Variants in CCDC136 observed in about 807,000 individuals in gnomAD.
The protein encoded by CCDC136 is coiled-coil domain containing 136, also known as coiled-coil domain-containing protein 136.
CCDC136 carries 100 observed loss-of-function variants against 141.2 expected under a neutral mutation model. That is an observed-to-expected ratio of 0.71 (90% CI 0.60 to 0.84). CCDC136 has a LOEUF of 0.84. CCDC136 is among the 40% of genes least tolerant of loss of function. The pLI is 0.00. For synonymous variants in CCDC136, 474 were observed against 531.9 expected (o/e 0.89, Z 1.50); for missense variants, 1,206 against 1,379.4 (o/e 0.87, Z 1.99).
chr7:128,819,523 A>G (rs1442858033), intron 17 of CCDC136, among the ~76,000 whole-genome samples: 1 of 152,230 alleles, frequency 6.6e-6, no homozygotes, highest in Non-Finnish European at 1.5e-5. Context: ...TATTCTATAA[A>G]TTATAAAATA....
chr7:128,794,712 G>A lies in CCDC136; in HGVS notation c.290G>A (p.Arg97Gln), dbSNP rs866403475. 5.2e-6 allele frequency: 8 copies of A among 1,551,662 alleles called. No homozygotes were observed. Among genetic ancestry groups the A allele is most frequent in the East Asian group, 2.4e-5 (1 of 40,910 alleles). The change falls in exon 3 of 18, where the codon CGG (arginine) becomes CAG (glutamine). Residue 97 changes from arginine to glutamine, a missense_variant. By Grantham distance (43) the Arg-to-Gln change is conservative (BLOSUM62 1). Coordinates refer to ENST00000297788, the MANE Select transcript of CCDC136 (RefSeq NM_022742.5). The surrounding 1 kb of genome is among the most constrained non-coding windows in gnomAD (Gnocchi z 4.3). ...CCTGCAGGGCTCCTGGAGGATGAACGGCTAGCCAGCGCCCAGCAGGCAGAG... is the reference window on the plus strand; with the variant it reads ...CCTGCAGGGCTCCTGGAGGATGAACAGCTAGCCAGCGCCCAGCAGGCAGAG... Reference protein sequence around the residue: ...LELQGLLEDERLASAQQAEVF... With the variant: ...LELQGLLEDEQLASAQQAEVF...
rs755359411 is a variant in CCDC136 at position 128,794,515 on chromosome 7, C to T, written c.184C>T (p.Arg62Trp). 48 of 1,552,822 alleles carry T rather than the reference C, an allele frequency of 3.1e-5. No individual in the cohort carries two copies. Among genetic ancestry groups the T allele is most frequent in the Non-Finnish European group, 4.0e-5 (46 of 1,147,712 alleles). ...CACGGAGACAGAGCTGGAGGAGCTG[C>T]GGGCTCAGGTGCTGCAGCTGGTGGC... ...SLTETELEELRAQVLQLVAEL... is the reference protein window; with the variant it reads ...SLTETELEELWAQVLQLVAEL... The change falls in exon 2 of 18, where the codon CGG (arginine) becomes TGG (tryptophan). Residue 62 changes from arginine (R) to tryptophan (W), a missense_variant. Physicochemically the swap from Arg to Trp is moderately radical, Grantham distance 101. Transcript: ENST00000297788. The surrounding 1 kb of genome is among the most constrained non-coding windows in gnomAD (Gnocchi z 4.3).
Position 128,809,427 on chromosome 7 carries a change from TCCACACCCGCCC to T in CCDC136, c.1606-18_1606-7del. 1.0e-6 allele frequency: 1 copy of T among 991,898 alleles called. No individual in the cohort carries two copies. Among genetic ancestry groups the T allele is most frequent in the Non-Finnish European group, 1.5e-6 (1 of 665,316 alleles). The allele number at this position is 991,898 out of a possible 1,614,324, so 61.4% of individuals were successfully genotyped here. A position where few individuals can be genotyped will look rare whatever the true frequency, so the allele number is the denominator to read the frequency against. Reference sequence around the variant, plus strand: ...CTTACCTTACAGAGTAACCACCCCCTCCACACCCGCCCCCACCCACAGTGTGACACACTGCTG... The same window carrying T: ...CTTACCTTACAGAGTAACCACCCCCTCCACCCACAGTGTGACACACTGCTG... On this transcript the variant is annotated splice_polypyrimidine_tract_variant and intron_variant, in intron 10 of 17. Transcript: ENST00000297788.
Position 128,792,075 on chromosome 7 carries a change from C to G in CCDC136, c.-337C>G. ...TCCCCCCGGACTAAATACGCACACC[C>G]CCTCTTTCTTTCTGTGCAAGCAAGA... is the stretch of plus-strand genomic sequence containing the variant. On this transcript the variant is annotated 5_prime_UTR_variant, in exon 1 of 18. Transcript: ENST00000297788. The G allele has an allele frequency of 1.5e-6, 2 of 1,337,804 alleles. No homozygotes were observed. The highest frequency in any genetic ancestry group is 3.5e-5 in the Admixed American group (1 of 28,644). The allele number at this position is 1,337,804 out of a possible 1,614,324, so 82.9% of individuals were successfully genotyped here. A position where few individuals can be genotyped will look rare whatever the true frequency, so the allele number is the denominator to read the frequency against.
chr7:128,810,450 T>C, intron 12 of CCDC136, 84 bp downstream of exon 12: 2 of 1,003,080 alleles, frequency 2.0e-6, no homozygotes, highest in Non-Finnish European at 3.0e-6. Context: ...AGGGTCAGAG[T>C]TGGGAAGGCG....
At chr7:128,814,128 C>A in intron 14 of CCDC136, among the ~76,000 whole-genome samples, 1 of 151,676 alleles carries the variant, frequency 6.6e-6, no homozygotes, top group South Asian at 2.1e-4. Flanking sequence ...GCTCTGTCAC[C>A]AGGCTGGAGT....
chr7:128,805,209 C>A lies in CCDC136; in HGVS notation c.783-150C>A. 1.5e-6 allele frequency: 1 copy of A among 688,800 alleles called. No homozygotes were observed. The highest frequency in any genetic ancestry group is 2.5e-6 in the Non-Finnish European group (1 of 400,924). 42.7% of individuals were successfully genotyped at this position (688,800 alleles called of 1,614,324 possible). A position where few individuals can be genotyped will look rare whatever the true frequency, so the allele number is the denominator to read the frequency against. On this transcript the variant is annotated intron_variant, in intron 5 of 17. Coordinates refer to ENST00000297788, the MANE Select transcript of CCDC136 (RefSeq NM_022742.5). This position sits in a 1 kb window ranked among gnomAD's most constrained non-coding sequence, Gnocchi z 4.6. ...TGAGGGGCTGGAGACTTTCTGTAGT[C>A]TTTTAAGCATGTTTATCTGAGCGGT...
intron 10 of CCDC136, 30 bp downstream of exon 10, chr7:128,807,575 C>A: frequency 7.5e-7 from 1 of 1,325,666 alleles, no homozygotes; most frequent in Non-Finnish European, 9.8e-7. Flanking sequence ...GTGACAGCTC[C>A]TGGGCACTTG....
chr7:128,799,577 A>G (rs1438928477), intron 3 of CCDC136, among the ~76,000 whole-genome samples: 3 of 151,902 alleles, frequency 2.0e-5, no homozygotes, highest in African/African-American at 7.3e-5. Context: ...GGGAGACTTA[A>G]GTACACACAC....
At chr7:128,798,505 G>A (rs1022494164) in intron 3 of CCDC136, among the ~76,000 whole-genome samples, 1 of 152,004 alleles carries the variant, frequency 6.6e-6, no homozygotes, top group Admixed American at 6.6e-5. Flanking sequence ...ACCAGCCTCA[G>A]CCTCCCAAAG....
At chr7:128,811,224 C>T (rs1404656941) in intron 12 of CCDC136, 2 of 447,506 alleles carry the variant, frequency 4.5e-6, no homozygotes, top group East Asian at 7.0e-5. Flanking sequence ...GGTAACACAG[C>T]TGGGAACCAG....
At chr7:128,791,414 C>T (rs945011280), upstream of CCDC136, 3 of 1,066,274 alleles carry the variant, frequency 2.8e-6, no homozygotes, top group Non-Finnish European at 2.4e-6. This position sits in a 1 kb window ranked among gnomAD's most constrained non-coding sequence, Gnocchi z 7.1. Context: ...TCCCTCCCTC[C>T]CTGCGCACCC....
intron 16 of CCDC136, among the ~76,000 whole-genome samples, chr7:128,816,324 G>T (rs1364487853): frequency 6.6e-6 from 1 of 152,222 alleles, no homozygotes; most frequent in African/African-American, 2.4e-5. Context: ...GTCGGTCTGG[G>T]CAAGTCACTC....
In CCDC136 at chr7:128,806,681, A is replaced by C; in HGVS notation, c.1249-7A>C. On this transcript the variant is annotated splice_polypyrimidine_tract_variant and splice_region_variant and intron_variant, in intron 8 of 17. Transcript: ENST00000297788. ...AAAGGCACTGCCCAAAGCCCCCTCT[A>C]CCATAGGAGTTACTGTGCCGGCTGC... is the stretch of plus-strand genomic sequence containing the variant. 2 of 1,608,422 alleles carry C rather than the reference A, an allele frequency of 1.2e-6. No homozygotes were observed. The highest frequency in any genetic ancestry group is 1.1e-5 in the South Asian group (1 of 90,066).
Position 128,814,849 on chromosome 7 carries a change from A to G in CCDC136, c.2975A>G (p.Asn992Ser), listed in dbSNP as rs1806340145. The G allele has an allele frequency of 3.7e-6, 6 of 1,609,560 alleles. No individual in the cohort carries two copies. The highest frequency in any genetic ancestry group is 1.1e-5 in the South Asian group (1 of 89,964). The change falls in exon 15 of 18, where the codon AAT (asparagine) becomes AGT (serine). Residue 992 changes from asparagine to serine, a missense_variant. Physicochemically the swap from Asn to Ser is conservative, Grantham distance 46. Coordinates refer to ENST00000297788, the MANE Select transcript of CCDC136 (RefSeq NM_022742.5). The part of the protein sequence containing the change: ...NANKNMNKNA[N>S]GVKMKKVTKP... ...AATAAGAACATGAACAAGAATGCCAATGGGGTTAAAATGAAAAAGGTGACC... is the reference window on the plus strand; with the variant it reads ...AATAAGAACATGAACAAGAATGCCAGTGGGGTTAAAATGAAAAAGGTGACC...
Position 128,815,936 on chromosome 7 carries a change from C to T in CCDC136, c.3363+5C>T, listed in dbSNP as rs369870111. 46 of 1,606,786 alleles carry T rather than the reference C, an allele frequency of 2.9e-5. No homozygotes were observed. Among genetic ancestry groups the T allele is most frequent in the Non-Finnish European group, 3.9e-5 (46 of 1,176,458 alleles). The stretch of plus-strand genomic sequence containing the variant: ...AGACTTTCCGAGAGCAAAAAGGTAA[C>T]CAGAGCCAAAGCCTAGATCAAGTGG... On this transcript the variant is annotated splice_donor_5th_base_variant and intron_variant, in intron 16 of 17. Coordinates refer to ENST00000297788, the MANE Select transcript of CCDC136 (RefSeq NM_022742.5).
chr7:128,821,936 A>C lies in CCDC136; in HGVS notation c.*143A>C, dbSNP rs1182963925. 7 of 1,289,538 alleles carry C rather than the reference A, an allele frequency of 5.4e-6. No homozygotes were observed. Among genetic ancestry groups the C allele is most frequent in the Admixed American group, 4.6e-5 (2 of 43,546 alleles). 79.9% of individuals were successfully genotyped at this position (1,289,538 alleles called of 1,614,324 possible). ...GGCAGACCTTGGCCAGCGCGAGGGC[A>C]GATCCCCAGTGGCCACCACCCTCAG... On this transcript the variant is annotated 3_prime_UTR_variant, in exon 18 of 18. Coordinates refer to ENST00000297788, the MANE Select transcript of CCDC136 (RefSeq NM_022742.5). The surrounding 1 kb of genome is among the most constrained non-coding windows in gnomAD (Gnocchi z 5.1).
At chr7:128,820,721 C>T (rs1160496667) in intron 17 of CCDC136, among the ~76,000 whole-genome samples, 3 of 152,186 alleles carry the variant, frequency 2.0e-5, no homozygotes, top group African/African-American at 7.2e-5. Flanking sequence ...CCCTCAGCCT[C>T]CGGATCTCTT....
At chr7:128,798,812 C>G (rs921353080) in intron 3 of CCDC136, among the ~76,000 whole-genome samples, 1 of 151,946 alleles carries the variant, frequency 6.6e-6, no homozygotes, top group East Asian at 1.9e-4. Flanking sequence ...GGCCTTGGCA[C>G]GCAGTTAAGG....
Sources: allele counts gnomAD v4.1 joint callset (sites outside exome capture counted in the v4.1 genomes callset), GRCh38; gene constraint gnomAD v4.1.1; non-coding constraint Gnocchi (gnomAD v3.1); transcripts MANE v1.5; gene names NCBI Gene and HGNC (gene_info 2026-07-23, HGNC 2026-07-21).